The following RARB variants were observed in gnomAD, a reference collection of about 807,000 sequenced individuals.
RARB encodes HBV-activated protein.
In RARB, 17 loss-of-function variants were observed where a neutral mutation model predicts 51.9. The observed-to-expected ratio is 0.33, with a 90% CI of 0.22 to 0.49. The LOEUF is 0.49. RARB is among the 20% of genes least tolerant of loss of function. The pLI, the probability that RARB is intolerant of heterozygous loss-of-function variation, is 0.99. For synonymous variants in RARB, 215 were observed against 195.4 expected (o/e 1.10, Z -0.84); for missense variants, 369 against 550.8 (o/e 0.67, Z 3.30).
At chr3:25,520,816 A>C (rs1271948477) in intron 3 of RARB, among the ~76,000 whole-genome samples, 1 of 152,190 alleles carries the variant, frequency 6.6e-6, no homozygotes, top group Non-Finnish European at 1.5e-5. Context: ...ATTACCCTTC[A>C]CTGAAGCCTT....
intron 3 of RARB, among the ~76,000 whole-genome samples, chr3:25,078,990 A>G (rs1392749895): frequency 1.3e-5 from 2 of 152,084 alleles, no homozygotes; most frequent in Non-Finnish European, 1.5e-5. Context: ...AAAACTGACA[A>G]CTTAATAATA....
chr3:25,358,671 G>A (rs564518494), intron 5 of RARB, among the ~76,000 whole-genome samples: 3 of 152,204 alleles, frequency 2.0e-5, no homozygotes, highest in South Asian at 2.1e-4. Flanking sequence ...CTAGTTTATT[G>A]AATGTTATTA....
intron 5 of RARB, among the ~76,000 whole-genome samples, chr3:25,369,553 A>G (rs931001156): frequency 6.6e-6 from 1 of 152,260 alleles, no homozygotes; most frequent in African/African-American, 2.4e-5. Context: ...ATGAATACCT[A>G]TTCCAGAGAT....
upstream of RARB, among the ~76,000 whole-genome samples, chr3:25,423,606 T>C (rs1447763926): frequency 6.6e-6 from 1 of 152,228 alleles, no homozygotes; most frequent in East Asian, 1.9e-4. Context: ...AATGAATACA[T>C]GTAGAGGACT....
intron 5 of RARB, among the ~76,000 whole-genome samples, chr3:25,296,258 A>G (rs1703911966): frequency 6.6e-6 from 1 of 152,220 alleles, no homozygotes; most frequent in African/African-American, 2.4e-5. Context: ...TCAAAGGGCA[A>G]GGCAGCCTGG....
intron 5 of RARB, among the ~76,000 whole-genome samples, chr3:25,190,765 C>T (rs553481663): frequency 1.6e-4 from 24 of 152,168 alleles, no homozygotes; most frequent in African/African-American, 5.5e-4. Context: ...CTACTTATGT[C>T]GCGTGCTGCT....
At chr3:25,265,560 C>T (rs553197806) in intron 5 of RARB, among the ~76,000 whole-genome samples, 53 of 152,272 alleles carry the variant, frequency 3.5e-4, no homozygotes, top group African/African-American at 1.1e-3. Context: ...GCAACCTCCA[C>T]CTCCCAGGCT....
chr3:25,545,070 G>T (rs574964095), intron 3 of RARB, among the ~76,000 whole-genome samples: 92 of 152,096 alleles, frequency 6.0e-4, no homozygotes, highest in African/African-American at 2.0e-3. Context: ...CAGGTGATCC[G>T]CCTGCCTCAG....
intron 5 of RARB, among the ~76,000 whole-genome samples, chr3:25,278,284 T>G (rs1354070150): frequency 2.0e-5 from 3 of 152,190 alleles, no homozygotes; most frequent in Non-Finnish European, 4.4e-5. Context: ...AAAGATTAAA[T>G]GAAATAATGT....
chr3:24,980,363 GT>G (rs1240174604), intron 2 of RARB, among the ~76,000 whole-genome samples: 1 of 152,150 alleles, frequency 6.6e-6, no homozygotes. Context: ...CCTGAAGGGT[GT>G]TTTCTAACTT....
At chr3:24,939,111 T>C (rs1695605437) in intron 2 of RARB, among the ~76,000 whole-genome samples, 1 of 151,998 alleles carries the variant, frequency 6.6e-6, no homozygotes, top group African/African-American at 2.4e-5. Flanking sequence ...GGCTCCTGAG[T>C]AGCTAGGATT....
intron 5 of RARB, among the ~76,000 whole-genome samples, chr3:25,272,707 C>T (rs1297276614): frequency 4.6e-5 from 7 of 152,194 alleles, no homozygotes; most frequent in African/African-American, 1.2e-4. Context: ...CTGTTCTCAA[C>T]GCCTTAAGTA....
At chr3:24,961,165 G>T (rs556679975) in intron 2 of RARB, among the ~76,000 whole-genome samples, 1 of 152,232 alleles carries the variant, frequency 6.6e-6, no homozygotes, top group African/African-American at 2.4e-5. Context: ...TAGGAATCTA[G>T]AATTCGATTG....
chr3:25,421,203 T>G (rs920529367), intron 5 of RARB, among the ~76,000 whole-genome samples: 1 of 151,830 alleles, frequency 6.6e-6, no homozygotes, highest in Non-Finnish European at 1.5e-5. Flanking sequence ...ATGCAGCAAA[T>G]TCTCTTAGAG....
intron 5 of RARB, among the ~76,000 whole-genome samples, chr3:25,277,452 G>T (rs1436802371): frequency 6.6e-6 from 1 of 152,182 alleles, no homozygotes; most frequent in Non-Finnish European, 1.5e-5. Flanking sequence ...AAATAAAAAG[G>T]GGAGTTTTTA....
At chr3:24,861,836 A>G (rs1702754467) in intron 2 of RARB, among the ~76,000 whole-genome samples, 1 of 151,224 alleles carries the variant, frequency 6.6e-6, no homozygotes, top group Non-Finnish European at 1.5e-5. Flanking sequence ...TGTTACTAGC[A>G]AAGTAGCTTT....
chr3:25,212,879 A>G (rs536927189), intron 5 of RARB, among the ~76,000 whole-genome samples: 9 of 152,294 alleles, frequency 5.9e-5, no homozygotes, highest in African/African-American at 2.2e-4. Flanking sequence ...TGTAGAGTAA[A>G]AATCTTAATT....
chr3:25,118,790 C>G (rs557379755), intron 3 of RARB, among the ~76,000 whole-genome samples: 2 of 152,084 alleles, frequency 1.3e-5, no homozygotes, highest in East Asian at 3.9e-4. Context: ...AAGATCCTCC[C>G]CAGAAAGTCA....
At chr3:25,462,384 T>A (rs956478743) in intron 2 of RARB, 1 of 152,246 alleles carries the variant, frequency 6.6e-6, no homozygotes, top group Non-Finnish European at 1.5e-5. Context: ...GAACTATGGC[T>A]GTTTTGAACT....
Sources: gnomAD v4.1 joint callset for allele counts (sites outside exome capture counted in the v4.1 genomes callset) on GRCh38, gnomAD v4.1.1 for gene constraint, MANE v1.5 for transcripts, NCBI Gene and HGNC (gene_info 2026-07-23, HGNC 2026-07-21) for gene names.